The following HSP90AB1 variants were observed in gnomAD, a reference collection of about 807,000 sequenced individuals.
The protein encoded by HSP90AB1 is heat shock protein HSP 90-beta.
HSP90AB1 carries 17 observed loss-of-function variants against 67.8 expected under a neutral mutation model. That is an observed-to-expected ratio of 0.25 (90% CI 0.17 to 0.38). The LOEUF (loss-of-function observed/expected upper bound fraction) is 0.38. Among genes scored for constraint, HSP90AB1 ranks in the 10% least tolerant of loss-of-function variants. HSP90AB1 has a pLI of 1.00. For synonymous variants in HSP90AB1, 390 were observed against 312.9 expected (o/e 1.25, Z -2.60); for missense variants, 690 against 899.9 (o/e 0.77, Z 2.98).
rs1780973514 is a variant in HSP90AB1, at chr6:44,253,395, C to CT, written c.2065+19dup. 1 of 1,607,758 alleles carries CT rather than the reference C, an allele frequency of 6.2e-7. No homozygotes were observed. The highest frequency in any genetic ancestry group is 8.5e-7 in the Non-Finnish European group (1 of 1,175,678). ...TAGGTCTAGGTAAGTAGCTTTGGTA[C>CT]TTGGTGTGGCAAGGAGTTTGTGCAA... On this transcript the variant is annotated intron_variant, in intron 11 of 11. Transcript: ENST00000371646.
chr6:44,248,516 C>A, intron 1 of HSP90AB1, 114 bp from the exon 2 acceptor site: 1 of 889,398 alleles, frequency 1.1e-6, no homozygotes. Context: ...GATAGTACTC[C>A]GGTTAAACCA....
chr6:44,252,086 T>C lies in HSP90AB1; in HGVS notation c.1550T>C (p.Ile517Thr). The C allele has an allele frequency of 1.2e-6, 2 of 1,614,154 alleles. No homozygotes were observed. Among genetic ancestry groups the C allele is most frequent in the East Asian group, 2.2e-5 (1 of 44,886 alleles). ...GFEVVYMTEPIDEYCVQQLKE... is the reference protein window; with the variant it reads ...GFEVVYMTEPTDEYCVQQLKE... ...GAGGTGGTATATATGACCGAGCCCA[T>C]TGACGAGTACTGTGTGCAGCAGCTC... Residue 517 changes from isoleucine (I) to threonine (T), a missense_variant, in exon 10 of 12, where the codon ATT becomes ACT. This residue lies in a region of HSP90AB1 where 206 missense variants were observed against 221.4 expected (regional missense o/e 0.93). Coordinates refer to ENST00000371646, the MANE Select transcript of HSP90AB1 (RefSeq NM_007355.4).
intron 11 of HSP90AB1, 38 bp from the exon 12 acceptor site, chr6:44,253,451 T>A: frequency 6.2e-7 from 1 of 1,601,896 alleles, no homozygotes; most frequent in Non-Finnish European, 8.6e-7. Context: ...GACTTAATGC[T>A]ATTTGGTCAA....
chr6:44,248,910 GT>G, intron 2 of HSP90AB1, 134 bp downstream of exon 2: 2 of 804,750 alleles, frequency 2.5e-6, no homozygotes, highest in Non-Finnish European at 4.1e-6. Context: ...AAAAAGATGG[GT>G]TTTACTCTGG....
intron 1 of HSP90AB1, among the ~76,000 whole-genome samples, chr6:44,247,494 A>G (rs950320196): frequency 1.3e-4 from 19 of 151,130 alleles, no homozygotes; most frequent in Non-Finnish European, 2.5e-4. Context: ...GCGGCCCGGG[A>G]CGCTGCCATT....
In HSP90AB1 at chr6:44,249,785, T is replaced by C. The variant is rs778322003; in HGVS notation, c.465T>C (p.Tyr155=). The part of the protein sequence containing the change: ...VITKHNDDEQ[Y]AWESSAGGSF... ...CAAAGCACAACGATGATGAACAGTA[T>C]GCTTGGGAGTCTTCTGCTGGAGGTT... Residue 155 remains tyrosine (Y), a synonymous_variant, in exon 4 of 12, where the codon TAT becomes TAC. Transcript: ENST00000371646. 1.8e-5 allele frequency: 29 copies of C among 1,613,376 alleles called. No individual in the cohort carries two copies. The highest frequency in any genetic ancestry group is 2.1e-5 in the Non-Finnish European group (25 of 1,179,628).
intron 10 of HSP90AB1, among the ~76,000 whole-genome samples, chr6:44,252,837 C>G (rs965947440): frequency 6.6e-6 from 1 of 151,144 alleles, no homozygotes; most frequent in Non-Finnish European, 1.5e-5. Context: ...TCACTGCAAA[C>G]TCAAGTCTCC....
chr6:44,251,378 G>T, intron 7 of HSP90AB1, 40 bp from the exon 8 acceptor site: 1 of 1,581,546 alleles, frequency 6.3e-7, no homozygotes, highest in Non-Finnish European at 8.6e-7. Context: ...GTCTGGTCTA[G>T]CTGTTTTTTA....
chr6:44,246,739 G>A (rs997785571), upstream of HSP90AB1, among the ~76,000 whole-genome samples: 1 of 152,190 alleles, frequency 6.6e-6, no homozygotes, highest in African/African-American at 2.4e-5. Context: ...CTTTTTCGGT[G>A]TCCCCCCCAG....
chr6:44,248,801 G>C lies in HSP90AB1; in HGVS notation c.147+25G>C, dbSNP rs199969026. ...TGTAGGTGCTCTGGTTTCCACATTT[G>C]GCATGGTTTTTTTTTTTGATACTCT... On this transcript the variant is annotated intron_variant, in intron 2 of 11. Coordinates refer to ENST00000371646, the MANE Select transcript of HSP90AB1 (RefSeq NM_007355.4). The C allele has an allele frequency of 7.8e-5, 119 of 1,534,990 alleles. 1 individual carries two copies. Among genetic ancestry groups the C allele is most frequent in the Non-Finnish European group, 1.0e-4 (116 of 1,152,556 alleles).
In HSP90AB1 at chr6:44,252,170, A is replaced by C; in HGVS notation, c.1634A>C (p.Glu545Ala). Reference sequence around the variant, plus strand: ...ACCAAGGAGGGTCTGGAGCTGCCTGAGGATGAGGAGGAGAAGAAGAAGATG... The same window carrying C: ...ACCAAGGAGGGTCTGGAGCTGCCTGCGGATGAGGAGGAGAAGAAGAAGATG... The part of the protein sequence containing the change: ...SVTKEGLELP[E>A]DEEEKKKMEE... The change falls in exon 10 of 12, where the codon GAG becomes GCG. Residue 545 changes from glutamate (E) to alanine (A), a missense_variant. This residue lies in a region of HSP90AB1 where 206 missense variants were observed against 221.4 expected (regional missense o/e 0.93). Transcript: ENST00000371646. 6.2e-7 allele frequency: 1 copy of C among 1,614,198 alleles called. No individual in the cohort carries two copies. The highest frequency in any genetic ancestry group is 8.5e-7 in the Non-Finnish European group (1 of 1,180,022).
intron 10 of HSP90AB1, among the ~76,000 whole-genome samples, 187 bp from the exon 11 acceptor site, chr6:44,252,858 G>C (rs555499895): frequency 6.6e-6 from 1 of 151,946 alleles, no homozygotes; most frequent in African/African-American, 2.4e-5. Flanking sequence ...TGAGTGGCTG[G>C]GATTACAGAT....
At position 44,253,246 on chromosome 6, in the gene HSP90AB1, G is replaced by T; in HGVS notation, c.1933G>T (p.Asp645Tyr). The change falls in exon 11 of 12, where the codon GAC becomes TAC. Residue 645 changes from aspartate (D) to tyrosine (Y), a missense_variant. By Grantham distance (160) the Asp-to-Tyr change is radical (BLOSUM62 -3). This residue lies in a region of HSP90AB1 where 120 missense variants were observed against 153.5 expected (regional missense o/e 0.78). Coordinates refer to ENST00000371646, the MANE Select transcript of HSP90AB1 (RefSeq NM_007355.4). Reference protein sequence around the residue: ...VETLRQKAEADKNDKAVKDLV... With the variant: ...VETLRQKAEAYKNDKAVKDLV... ...GACGCTGCGGCAGAAGGCTGAGGCC[G>T]ACAAGAATGATAAGGCAGTTAAGGA... 1 of 1,614,208 alleles carries T rather than the reference G, an allele frequency of 6.2e-7. No individual in the cohort carries two copies. The highest frequency in any genetic ancestry group is 8.5e-7 in the Non-Finnish European group (1 of 1,180,036).
intron 7 of HSP90AB1, 63 bp downstream of exon 7, chr6:44,251,276 A>G (rs1284007937): frequency 5.7e-6 from 9 of 1,581,480 alleles, no homozygotes; most frequent in African/African-American, 1.3e-5. Context: ...GCATTCTGCT[A>G]GGATATTCTA....
chr6:44,253,291 G>A lies in HSP90AB1; in HGVS notation c.1978G>A (p.Glu660Lys), dbSNP rs1780957553. 1.2e-6 allele frequency: 2 copies of A among 1,614,124 alleles called. No homozygotes were observed. Among genetic ancestry groups the A allele is most frequent in the Admixed American group, 1.7e-5 (1 of 60,004 alleles). The part of the protein sequence containing the change: ...AVKDLVVLLF[E>K]TALLSSGFSL... ...TAAGGACCTGGTGGTGCTGCTGTTT[G>A]AAACCGCCCTGCTATCTTCTGGCTT... The change falls in exon 11 of 12, where the codon GAA becomes AAA. Residue 660 changes from glutamate (E) to lysine (K), a missense_variant. By Grantham distance (56) the Glu-to-Lys change is moderately conservative. Coordinates refer to ENST00000371646, the MANE Select transcript of HSP90AB1 (RefSeq NM_007355.4).
Position 44,251,759 on chromosome 6 carries a change from C to G in HSP90AB1, c.1337C>G (p.Thr446Ser), listed in dbSNP as rs748384005. 1.2e-6 allele frequency: 2 copies of G among 1,613,742 alleles called. No individual in the cohort carries two copies. The highest frequency in any genetic ancestry group is 1.1e-5 in the South Asian group (1 of 91,044). Residue 446 changes from threonine to serine, a missense_variant, in exon 9 of 12, where the codon ACT becomes AGT. Thr to Ser is a moderately conservative substitution (Grantham distance 58). Coordinates refer to ENST00000371646, the MANE Select transcript of HSP90AB1 (RefSeq NM_007355.4). ...AAGCTTGGAATCCACGAAGACTCCA[C>G]TAACCGCCGCCGCCTGTCTGAGCTG... is the stretch of plus-strand genomic sequence containing the variant. ...NLKLGIHEDSTNRRRLSELLR... is the reference protein window; with the variant it reads ...NLKLGIHEDSSNRRRLSELLR...
In HSP90AB1 at chr6:44,252,235, A is replaced by G. The variant is rs1429118175; in HGVS notation, c.1699A>G (p.Met567Val). Residue 567 changes from methionine to valine, a missense_variant, in exon 10 of 12, where the codon ATG becomes GTG. By Grantham distance (21) the Met-to-Val change is conservative. Around this residue, in one of 7 missense-constraint regions of HSP90AB1, gnomAD observed 206 missense variants for 221.4 expected, o/e 0.93. Coordinates refer to ENST00000371646, the MANE Select transcript of HSP90AB1 (RefSeq NM_007355.4). ...KAKFENLCKL[M>V]KEILDKKVEK... is the part of the protein sequence containing the mutation. Reference sequence around the variant, plus strand: ...AAAGTTTGAGAACCTCTGCAAGCTCATGAAAGAAATCTTAGATAAGAAGGT... The same window carrying G: ...AAAGTTTGAGAACCTCTGCAAGCTCGTGAAAGAAATCTTAGATAAGAAGGT... The G allele has an allele frequency of 1.2e-6, 2 of 1,612,462 alleles. No homozygotes were observed. The highest frequency in any genetic ancestry group is 1.3e-5 in the African/African-American group (1 of 74,900).
chr6:44,249,338 T>G (rs905725731), intron 2 of HSP90AB1, 39 bp from the exon 3 acceptor site: 26 of 1,538,654 alleles, frequency 1.7e-5, no homozygotes, highest in Admixed American at 5.0e-5. Context: ...AGAGTCTGTC[T>G]TGGAAAGAGC....
intron 10 of HSP90AB1, among the ~76,000 whole-genome samples, chr6:44,252,718 C>A (rs1440086272): frequency 2.0e-5 from 3 of 151,910 alleles, no homozygotes; most frequent in Non-Finnish European, 4.4e-5. Flanking sequence ...GGATGGTCTC[C>A]ATCTCCTGAC....
Sources: gnomAD v4.1 joint callset for allele counts (sites outside exome capture counted in the v4.1 genomes callset) on GRCh38, gnomAD v4.1.1 for gene constraint, gnomAD v4.1.1 regional missense constraint, MANE v1.5 for transcripts, NCBI Gene and HGNC (gene_info 2026-07-23, HGNC 2026-07-21) for gene names.